Variants in MAGI1 observed in about 807,000 individuals in gnomAD.
The protein encoded by MAGI1 is membrane-associated guanylate kinase, WW and PDZ domain-containing protein 1.
Under a neutral mutation model 139.9 loss-of-function variants are expected in MAGI1, and 58 were observed. The observed-to-expected ratio is 0.41, with a 90% confidence interval of 0.34 to 0.52. The LOEUF (loss-of-function observed/expected upper bound fraction) is 0.52. Among genes scored for constraint, MAGI1 ranks in the 20% least tolerant of loss-of-function variants. MAGI1 has a pLI of 0.12. For missense variants in MAGI1, 1,874 were observed against 1,901.6 expected, an observed-to-expected ratio of 0.99 and a Z score of 0.27; for synonymous variants, 812 against 737.9, an observed-to-expected ratio of 1.10 and a Z score of -1.63.
intron 2 of MAGI1, among the ~76,000 whole-genome samples, chr3:65,617,207 T>C (rs1438468317): frequency 1.3e-5 from 2 of 152,198 alleles, no homozygotes; most frequent in Non-Finnish European, 1.5e-5. Flanking sequence ...GGGAAGAGCC[T>C]TGATGAACAA....
At position 65,762,424 on chromosome 3, in the gene MAGI1, T is replaced by G. The variant is rs150760940; in HGVS notation, c.314-140336A>C. On this transcript the variant is annotated intron_variant, in intron 1 of 22. Transcript: ENST00000402939. ...ACGAATCTCATTACTGCACAGCAGG[T>G]GGACAAGTGAAGTACAAAGAATGGG... Among the ~76,000 whole-genome samples the G allele has an allele frequency of 4.8e-4, 73 of 151,928 alleles. No individual in the cohort carries two copies. The East Asian group carries it at 0.012, about 26-fold the overall frequency.
intron 1 of MAGI1, among the ~76,000 whole-genome samples, chr3:65,886,673 T>C (rs2060543202): frequency 6.6e-6 from 1 of 152,182 alleles, no homozygotes; most frequent in African/African-American, 2.4e-5. Context: ...ATCTCTATAA[T>C]GACAGAGCAA....
chr3:65,549,946 A>G (rs2079740824), intron 2 of MAGI1, among the ~76,000 whole-genome samples: 1 of 152,188 alleles, frequency 6.6e-6, no homozygotes, highest in South Asian at 2.1e-4. Context: ...AGCATCTGCC[A>G]TTTTATTAAG....
intron 1 of MAGI1, among the ~76,000 whole-genome samples, chr3:65,631,569 G>A (rs1394648910): frequency 6.7e-6 from 1 of 150,358 alleles, no homozygotes. Flanking sequence ...GATCTTTGGA[G>A]ATATTGAAAC....
chr3:66,031,151 G>A (rs2068569044), intron 1 of MAGI1, among the ~76,000 whole-genome samples: 1 of 152,230 alleles, frequency 6.6e-6, no homozygotes, highest in Non-Finnish European at 1.5e-5. Flanking sequence ...AGGCAGGCAT[G>A]CAGTAACCTA....
intron 12 of MAGI1, among the ~76,000 whole-genome samples, chr3:65,425,612 C>G (rs60568340): frequency 0.1 from 15,659 of 152,212 alleles, 1,927 homozygotes; most frequent in East Asian, 0.63. Context: ...TACTCAAGGT[C>G]AGCTCCTGGT....
chr3:65,825,087 C>T (rs577463198), intron 1 of MAGI1, among the ~76,000 whole-genome samples: 58 of 152,236 alleles, frequency 3.8e-4, no homozygotes, highest in Non-Finnish European at 6.6e-4. Flanking sequence ...ATGTATGAAG[C>T]GCTCTTAGAA....
intron 2 of MAGI1, among the ~76,000 whole-genome samples, chr3:65,559,734 C>T (rs1404854450): frequency 6.6e-6 from 1 of 152,196 alleles, no homozygotes; most frequent in African/African-American, 2.4e-5. Flanking sequence ...GGGTGACAAA[C>T]CAGGATTTAA....
chr3:65,492,501 A>G (rs1286388865), intron 3 of MAGI1, among the ~76,000 whole-genome samples: 1 of 152,244 alleles, frequency 6.6e-6, no homozygotes, highest in South Asian at 2.1e-4. Context: ...TTTTATAATT[A>G]TATTTCAAAA....
At chr3:65,692,675 A>T (rs955385820) in intron 1 of MAGI1, among the ~76,000 whole-genome samples, 2 of 152,202 alleles carry the variant, frequency 1.3e-5, no homozygotes, top group African/African-American at 2.4e-5. Context: ...ACCTTTGGCA[A>T]GTGATTGGGT....
At chr3:65,659,525 G>A (rs1473997113) in intron 1 of MAGI1, among the ~76,000 whole-genome samples, 3 of 152,108 alleles carry the variant, frequency 2.0e-5, no homozygotes, top group Non-Finnish European at 4.4e-5. Flanking sequence ...AAACTGGAAG[G>A]CAACATAGTT....
intron 2 of MAGI1, chr3:65,620,067 A>C: frequency 1.2e-6 from 1 of 852,368 alleles, no homozygotes; most frequent in Non-Finnish European, 1.4e-6. Flanking sequence ...GGTCCAATAA[A>C]TCAGTGGAAA....
At chr3:65,528,627 T>A (rs186951399) in intron 2 of MAGI1, among the ~76,000 whole-genome samples, 10 of 152,358 alleles carry the variant, frequency 6.6e-5, no homozygotes, top group Admixed American at 2.6e-4. Flanking sequence ...TGATAATCTA[T>A]AAGAGTTAAG....
chr3:65,903,685 T>C (rs577190036), intron 1 of MAGI1, among the ~76,000 whole-genome samples: 112 of 152,268 alleles, frequency 7.4e-4, no homozygotes, highest in African/African-American at 2.6e-3. Flanking sequence ...CCTAAGTGCT[T>C]ATTTCGATTT....
intron 14 of MAGI1, among the ~76,000 whole-genome samples, chr3:65,388,208 T>C (rs1943600531): frequency 2.6e-5 from 4 of 152,220 alleles, no homozygotes; most frequent in Admixed American, 2.6e-4. Context: ...CCTTGAGAGA[T>C]GGCCATATCA....
intron 2 of MAGI1, among the ~76,000 whole-genome samples, chr3:65,587,020 A>T (rs549925048): frequency 6.6e-6 from 1 of 152,266 alleles, no homozygotes; most frequent in African/African-American, 2.4e-5. Context: ...AACCTGGTGA[A>T]TTACCCCGAG....
intron 1 of MAGI1, among the ~76,000 whole-genome samples, chr3:65,950,828 G>A (rs1330877985): frequency 6.6e-6 from 1 of 152,142 alleles, no homozygotes; most frequent in African/African-American, 2.4e-5. Context: ...CCTACTCAGG[G>A]ACAGATAGAG....
chr3:65,935,374 G>A lies in MAGI1; in HGVS notation c.313+102622C>T, dbSNP rs138427462. 5.9e-5 allele frequency among the ~76,000 whole-genome samples: 9 copies of A among 152,282 alleles called. No homozygotes were observed. In the East Asian group the frequency reaches 1.7e-3, roughly 29 times the overall value. Reference sequence around the variant, plus strand: ...AAACTCCATCAAGAGGTAGAGGTCAGGCATGGTGGTTCACTTTGGAAGGCC... The same window carrying A: ...AAACTCCATCAAGAGGTAGAGGTCAAGCATGGTGGTTCACTTTGGAAGGCC... On this transcript the variant is annotated intron_variant, in intron 1 of 22. Coordinates refer to ENST00000402939, the MANE Select transcript of MAGI1 (RefSeq NM_001033057.2).
chr3:65,936,796 A>G (rs2106792405), intron 1 of MAGI1, among the ~76,000 whole-genome samples: 1 of 152,142 alleles, frequency 6.6e-6, no homozygotes, highest in Admixed American at 6.5e-5. Context: ...CAGTAGCACA[A>G]TCACAGCTCA....
Sources: gnomAD v4.1 joint callset for allele counts (sites outside exome capture counted in the v4.1 genomes callset) on GRCh38, gnomAD v4.1.1 for gene constraint, MANE v1.5 for transcripts, NCBI Gene and HGNC (gene_info 2026-07-23, HGNC 2026-07-21) for gene names.